The following MALRD1 variants were observed in gnomAD, a reference collection of about 807,000 sequenced individuals.
The protein encoded by MALRD1 is MAM and LDL receptor class A domain containing 1.
MALRD1 carries 247 observed loss-of-function variants against 242.1 expected under a neutral mutation model. The observed-to-expected ratio is 1.02, with a 90% CI of 0.92 to 1.13. The LOEUF (loss-of-function observed/expected upper bound fraction) is 1.13. MALRD1 is among the 50% of genes most tolerant of loss of function. MALRD1 has a pLI of 0.00. For synonymous variants in MALRD1, 995 were observed against 866.6 expected (o/e 1.15, Z -2.60); for missense variants, 2,989 against 2,533.1 (o/e 1.18, Z -3.86).
intron 28 of MALRD1, among the ~76,000 whole-genome samples, chr10:19,429,980 C>G (rs1395912649): frequency 6.6e-6 from 1 of 152,028 alleles, no homozygotes; most frequent in Non-Finnish European, 1.5e-5. Flanking sequence ...TTCTTAAGGT[C>G]TTTAACTCAC....
At chr10:19,065,958 G>C (rs1461899913) in intron 1 of MALRD1, among the ~76,000 whole-genome samples, 1 of 152,104 alleles carries the variant, frequency 6.6e-6, no homozygotes, top group African/African-American at 2.4e-5. Flanking sequence ...GAAGATGGAA[G>C]CTGAGTTTTA....
At chr10:19,371,599 T>A (rs1845382123) in intron 26 of MALRD1, among the ~76,000 whole-genome samples, 5 of 152,156 alleles carry the variant, frequency 3.3e-5, no homozygotes, top group Admixed American at 2.6e-4. Flanking sequence ...CCCTACTTGG[T>A]CAGAATCTAT....
At chr10:19,452,853 C>G (rs1045009573) in intron 29 of MALRD1, among the ~76,000 whole-genome samples, 10 of 152,092 alleles carry the variant, frequency 6.6e-5, no homozygotes, top group Non-Finnish European at 1.3e-4. Flanking sequence ...GAACAAGGAG[C>G]CTTGAGTCAA....
At chr10:19,054,211 C>A (rs1477055152) in intron 1 of MALRD1, among the ~76,000 whole-genome samples, 1 of 152,004 alleles carries the variant, frequency 6.6e-6, no homozygotes, top group Admixed American at 6.6e-5. Flanking sequence ...GGCTAGTCTT[C>A]ATTCTCTTTT....
At chr10:19,322,185 G>C (rs1842936667) in intron 21 of MALRD1, among the ~76,000 whole-genome samples, 1 of 152,030 alleles carries the variant, frequency 6.6e-6, no homozygotes, top group Non-Finnish European at 1.5e-5. Context: ...TGTGCATGCA[G>C]TTTTTTCTTG....
intron 36 of MALRD1, among the ~76,000 whole-genome samples, chr10:19,661,430 A>G (rs1322500283): frequency 1.3e-5 from 2 of 152,218 alleles, no homozygotes; most frequent in African/African-American, 2.4e-5. Context: ...TGTGGCACAT[A>G]TACACCGTGG....
chr10:19,414,907 G>T (rs192690237), intron 28 of MALRD1, among the ~76,000 whole-genome samples: 4 of 152,146 alleles, frequency 2.6e-5, no homozygotes, highest in African/African-American at 9.7e-5. Context: ...AAAGACTACA[G>T]GTTTCATACT....
At chr10:19,636,653 C>T (rs946637756) in intron 36 of MALRD1, among the ~76,000 whole-genome samples, 2 of 152,082 alleles carry the variant, frequency 1.3e-5, no homozygotes, top group African/African-American at 4.8e-5. Context: ...AATCCCAGCA[C>T]TTTGGAAGGC....
intron 26 of MALRD1, among the ~76,000 whole-genome samples, chr10:19,369,143 A>AATTTT (rs1554841067): frequency 7.0e-4 from 100 of 143,048 alleles, no homozygotes; most frequent in Admixed American, 2.7e-3. Context: ...ATTTAAATTT[A>AATTTT]ATATTATATA....
intron 12 of MALRD1, among the ~76,000 whole-genome samples, chr10:19,157,445 C>T (rs1834204083): frequency 6.6e-6 from 1 of 151,942 alleles, no homozygotes; most frequent in Non-Finnish European, 1.5e-5. Context: ...GTCGGGGTTT[C>T]ACCATGTTAT....
intron 36 of MALRD1, among the ~76,000 whole-genome samples, chr10:19,644,176 T>C (rs1840542552): frequency 6.6e-6 from 1 of 152,240 alleles, no homozygotes; most frequent in African/African-American, 2.4e-5. Context: ...CTCTGTGTTC[T>C]GCTGGAACCC....
At chr10:19,350,500 C>T (rs908773639) in intron 25 of MALRD1, among the ~76,000 whole-genome samples, 6 of 151,972 alleles carry the variant, frequency 3.9e-5, no homozygotes, top group African/African-American at 1.4e-4. Flanking sequence ...TGGTCTCGAA[C>T]TCCTGACCTC....
chr10:19,116,294 T>G (rs1194434560), intron 5 of MALRD1, among the ~76,000 whole-genome samples: 1 of 152,246 alleles, frequency 6.6e-6, no homozygotes, highest in Non-Finnish European at 1.5e-5. Context: ...GTGAATATTT[T>G]TAGATTGGTT....
intron 29 of MALRD1, among the ~76,000 whole-genome samples, chr10:19,478,403 A>G (rs527662521): frequency 1.3e-5 from 2 of 152,188 alleles, no homozygotes; most frequent in Non-Finnish European, 2.9e-5. Context: ...GAGATGAGCT[A>G]GGAGCAATCT....
intron 32 of MALRD1, among the ~76,000 whole-genome samples, chr10:19,566,433 C>A (rs935941152): frequency 6.6e-6 from 1 of 151,440 alleles, no homozygotes; most frequent in Non-Finnish European, 1.5e-5. Context: ...GCCACCACGC[C>A]AGGCCATATT....
intron 30 of MALRD1, 52 bp from the exon 31 acceptor site, chr10:19,498,433 G>A (rs1837821680): frequency 2.0e-6 from 3 of 1,479,752 alleles, no homozygotes; most frequent in Non-Finnish European, 2.7e-6. Context: ...TAGGGTAGTA[G>A]CAAATGTGAT....
chr10:19,348,292 A>G (rs1844221491), intron 25 of MALRD1, among the ~76,000 whole-genome samples: 1 of 152,158 alleles, frequency 6.6e-6, no homozygotes, highest in South Asian at 2.1e-4. Flanking sequence ...ATTCACAACC[A>G]TGTATAATAC....
chr10:19,389,445 T>A lies in MALRD1; in HGVS notation c.4688-7T>A. The A allele has an allele frequency of 6.5e-7, 1 of 1,549,800 alleles. No homozygotes were observed. Among genetic ancestry groups the A allele is most frequent in the African/African-American group, 1.4e-5 (1 of 73,140 alleles). On this transcript the variant is annotated splice_polypyrimidine_tract_variant and splice_region_variant and intron_variant, in intron 27 of 39. Coordinates refer to ENST00000454679, the MANE Select transcript of MALRD1 (RefSeq NM_001142308.3). ...CGTTCTTCTCTGAATTCTGTCCTTG[T>A]TCCTAGGGCACTTCATGTATCTGGA...
chr10:19,215,771 TA>T lies in MALRD1; in HGVS notation c.2991+6092del, dbSNP rs1837287376. Among the ~76,000 whole-genome samples, 2 of 118,128 alleles carry T rather than the reference TA, an allele frequency of 1.7e-5. 1 individual carries two copies. Among genetic ancestry groups the T allele is most frequent in the Non-Finnish European group, 3.9e-5 (2 of 51,514 alleles). 77.5% of individuals were successfully genotyped at this position (118,128 alleles called of 152,430 possible). ...TAATAATTAGTATAAACAAATAATT[TA>T]GTATAATTAGTATAAATAAATAGTA... On this transcript the variant is annotated intron_variant, in intron 18 of 39. Transcript: ENST00000454679.
Sources: gnomAD v4.1 joint callset for allele counts (sites outside exome capture counted in the v4.1 genomes callset) on GRCh38, gnomAD v4.1.1 for gene constraint, MANE v1.5 for transcripts, NCBI Gene and HGNC (gene_info 2026-07-23, HGNC 2026-07-21) for gene names.